The following RARB variants were observed in gnomAD, a reference collection of about 807,000 sequenced individuals.
The protein encoded by RARB is retinoic acid receptor beta, also known as HBV-activated protein.
In RARB, 17 loss-of-function variants were observed where a neutral mutation model predicts 51.9. The observed-to-expected ratio is 0.33, with a 90% CI of 0.22 to 0.49. RARB has a LOEUF of 0.49. RARB is among the 20% of genes least tolerant of loss of function. The pLI, the probability that RARB is intolerant of heterozygous loss-of-function variation, is 0.99. For missense variants in RARB, 369 were observed against 550.8 expected, an observed-to-expected ratio of 0.67 and a Z score of 3.30; for synonymous variants, 215 against 195.4, an observed-to-expected ratio of 1.10 and a Z score of -0.84.
At chr3:25,063,748 TG>T (rs1211058987) in intron 3 of RARB, among the ~76,000 whole-genome samples, 2 of 151,154 alleles carry the variant, frequency 1.3e-5, no homozygotes, top group Non-Finnish European at 3.0e-5. Context: ...AAACAGACCT[TG>T]GGATGTTAGG....
intron 2 of RARB, among the ~76,000 whole-genome samples, chr3:25,007,358 G>T (rs1261282043): frequency 6.6e-6 from 1 of 152,144 alleles, no homozygotes; most frequent in South Asian, 2.1e-4. Flanking sequence ...GGGTGTAGTG[G>T]CTCACGCCTG....
In RARB at chr3:25,596,414, G is replaced by A. The variant is rs1701834117; in HGVS notation, c.1151-6G>A. On this transcript the variant is annotated splice_region_variant and splice_polypyrimidine_tract_variant and intron_variant, in intron 7 of 7. Transcript: ENST00000330688. ...TAACCATATTTCCATTATCTCTTTT[G>A]AAAAGGTGCAGAGCGTGTAATTACC... 1 of 1,603,954 alleles carries A rather than the reference G, an allele frequency of 6.2e-7. No individual in the cohort carries two copies. Among genetic ancestry groups the A allele is most frequent in the East Asian group, 2.2e-5 (1 of 44,818 alleles).
At chr3:25,283,469 C>G (rs1430836189) in intron 5 of RARB, among the ~76,000 whole-genome samples, 1 of 152,198 alleles carries the variant, frequency 6.6e-6, no homozygotes, top group Non-Finnish European at 1.5e-5. Flanking sequence ...TCCTCTGTAT[C>G]TCAACACCAG....
At chr3:24,936,170 A>G (rs1216946441) in intron 2 of RARB, among the ~76,000 whole-genome samples, 1 of 152,122 alleles carries the variant, frequency 6.6e-6, no homozygotes, top group South Asian at 2.1e-4. Context: ...CCATGTTTGT[A>G]TAGAGTATGG....
chr3:25,148,969 G>C (rs754465026), intron 4 of RARB, among the ~76,000 whole-genome samples: 2 of 151,978 alleles, frequency 1.3e-5, no homozygotes, highest in Non-Finnish European at 2.9e-5. Context: ...TGTAGCCTCT[G>C]AGCAGTAGAA....
Position 25,428,408 on chromosome 3 carries a change from C to T in RARB, c.-324C>T, listed in dbSNP as rs1015033516. On this transcript the variant is annotated 5_prime_UTR_variant, in exon 1 of 8. Coordinates refer to ENST00000330688, the MANE Select transcript of RARB (RefSeq NM_000965.5). ...ATCCGAGCAGGGTTTGTCTGGGCAC[C>T]GTCGGGGTAGGATCCGGAACGCATT... 9 of 1,265,656 alleles carry T rather than the reference C, an allele frequency of 7.1e-6. No individual in the cohort carries two copies. Among genetic ancestry groups the T allele is most frequent in the Non-Finnish European group, 8.9e-6 (9 of 1,007,778 alleles). 78.4% of individuals were successfully genotyped at this position (1,265,656 alleles called of 1,614,324 possible).
intron 2 of RARB, among the ~76,000 whole-genome samples, chr3:24,962,867 C>G (rs1047672396): frequency 6.6e-6 from 1 of 152,106 alleles, no homozygotes; most frequent in Non-Finnish European, 1.5e-5. Flanking sequence ...TCAATTAATC[C>G]TCTTAGCTAC....
chr3:25,290,155 C>T (rs909680079), intron 5 of RARB, among the ~76,000 whole-genome samples: 3 of 152,136 alleles, frequency 2.0e-5, no homozygotes, highest in Non-Finnish European at 4.4e-5. Flanking sequence ...GTAATGTCCC[C>T]CTTGCCCCAA....
intron 5 of RARB, among the ~76,000 whole-genome samples, chr3:25,380,104 TATATC>T (rs1479774169): frequency 4.6e-5 from 7 of 152,198 alleles, no homozygotes; most frequent in African/African-American, 1.7e-4. Flanking sequence ...AATTTCCTAT[TATATC>T]ATAATAGAAA....
intron 1 of RARB, among the ~76,000 whole-genome samples, chr3:24,853,028 G>A (rs183216870): frequency 8.2e-4 from 124 of 152,000 alleles, no homozygotes; most frequent in African/African-American, 2.7e-3. Flanking sequence ...TTAAAATAAC[G>A]AACTGGCTGG....
Position 24,946,124 on chromosome 3 carries a change from G to A in RARB, c.-380+87372G>A, listed in dbSNP as rs1695767758. 1.3e-5 allele frequency among the ~76,000 whole-genome samples: 2 copies of A among 151,930 alleles called. 1 individual carries two copies. The highest frequency in any genetic ancestry group is 4.8e-5 in the African/African-American group (2 of 41,388). Reference sequence around the variant, plus strand: ...ACTAAAAATACAGAAAATCAGCCAGGTGTGGTGGCAGCTGCCTGTAGTCCC... The same window carrying A: ...ACTAAAAATACAGAAAATCAGCCAGATGTGGTGGCAGCTGCCTGTAGTCCC... On this transcript the variant is annotated intron_variant, in intron 2 of 11. Coordinates refer to the RARB transcript ENST00000383772.
chr3:25,580,678 G>A lies in RARB; in HGVS notation c.742G>A (p.Ala248Thr), dbSNP rs773216330. The part of the protein sequence containing the change: ...RLPGFTGLTI[A>T]DQITLLKAAC... The stretch of plus-strand genomic sequence containing the variant: ...GCCTGGTTTCACTGGCTTGACCATC[G>A]CAGACCAAATTACCCTGCTGAAGGC... The change falls in exon 5 of 8, where the codon GCA becomes ACA. Residue 248 changes from alanine (A) to threonine (T), a missense_variant. Physicochemically the swap from Ala to Thr is moderately conservative, Grantham distance 58 (BLOSUM62 0). Around this residue, in one of 9 missense-constraint regions of RARB, gnomAD observed 49 missense variants for 103.4 expected, o/e 0.47. Coordinates refer to ENST00000330688, the MANE Select transcript of RARB (RefSeq NM_000965.5). The A allele has an allele frequency of 1.4e-5, 22 of 1,611,232 alleles. No individual in the cohort carries two copies. Among genetic ancestry groups the A allele is most frequent in the East Asian group, 2.2e-5 (1 of 44,820 alleles).
At chr3:25,367,998 T>C in intron 5 of RARB, among the ~76,000 whole-genome samples, 1 of 152,144 alleles carries the variant, frequency 6.6e-6, no homozygotes, top group Non-Finnish European at 1.5e-5. Flanking sequence ...AATGAGAATA[T>C]GTAAGAAAAT....
chr3:24,913,747 A>G (rs911068518), intron 2 of RARB, among the ~76,000 whole-genome samples: 3 of 152,208 alleles, frequency 2.0e-5, no homozygotes, highest in Non-Finnish European at 4.4e-5. Context: ...TTACAGTCCC[A>G]TATTTTGAAC....
chr3:25,422,476 A>G (rs1438632972), intron 5 of RARB, among the ~76,000 whole-genome samples: 1 of 152,122 alleles, frequency 6.6e-6, no homozygotes, highest in Non-Finnish European at 1.5e-5. Context: ...CCATCTCTCA[A>G]ATGTTGCCAT....
chr3:25,099,887 G>A (rs1699367712), intron 3 of RARB, among the ~76,000 whole-genome samples: 1 of 152,162 alleles, frequency 6.6e-6, no homozygotes, highest in Admixed American at 6.6e-5. Context: ...GAAAGCCATG[G>A]GAAGACATTA....
At chr3:25,252,831 C>A (rs942495784) in intron 5 of RARB, among the ~76,000 whole-genome samples, 1 of 152,156 alleles carries the variant, frequency 6.6e-6, no homozygotes, top group African/African-American at 2.4e-5. Context: ...TTGATGAAAG[C>A]CCAACACACA....
intron 3 of RARB, among the ~76,000 whole-genome samples, chr3:25,068,768 G>A (rs367609292): frequency 3.1e-4 from 47 of 152,212 alleles, no homozygotes; most frequent in Non-Finnish European, 4.9e-4. Flanking sequence ...TAATGGAGGC[G>A]TCATCTATAA....
At chr3:25,575,480 C>T (rs1040919257) in intron 4 of RARB, among the ~76,000 whole-genome samples, 1 of 152,166 alleles carries the variant, frequency 6.6e-6, no homozygotes, top group African/African-American at 2.4e-5. Flanking sequence ...GCTAGAAGTC[C>T]AAAATCAAGG....
Sources: gnomAD v4.1 joint callset for allele counts (sites outside exome capture counted in the v4.1 genomes callset) on GRCh38, gnomAD v4.1.1 for gene constraint, gnomAD v4.1.1 regional missense constraint, MANE v1.5 for transcripts, NCBI Gene and HGNC (gene_info 2026-07-23, HGNC 2026-07-21) for gene names.